Variants in APBA2 observed in about 807,000 individuals in gnomAD.
APBA2 encodes amyloid beta precursor protein binding family A member 2.
Under a neutral mutation model 75.0 loss-of-function variants are expected in APBA2, and 30 were observed. The ratio of observed to expected loss-of-function variants is 0.40; its 90% CI spans 0.30 to 0.54. APBA2 has a LOEUF of 0.54. APBA2 is among the 20% of genes least tolerant of loss of function. The pLI is 0.49. For synonymous variants in APBA2, 444 were observed against 409.6 expected (o/e 1.08, Z -1.01); for missense variants, 801 against 1,016.1 (o/e 0.79, Z 2.88).
Position 29,116,953 on chromosome 15 carries a change from G to A in APBA2, c.2179-109G>A, listed in dbSNP as rs1309129217. ...GCCTTCCTCCTTCACTCTAGGAGAT[G>A]GGCATTTGAAGCAGAACTCTGGGGG... is the stretch of plus-strand genomic sequence containing the variant. On this transcript the variant is annotated intron_variant, in intron 14 of 14. Coordinates refer to ENST00000683413, the MANE Select transcript of APBA2 (RefSeq NM_001353788.2). 4 of 1,177,796 alleles carry A rather than the reference G, an allele frequency of 3.4e-6. No homozygotes were observed. The Admixed American group carries it at 5.0e-5, about 15-fold the overall frequency. The allele number at this position is 1,177,796 out of a possible 1,614,324, so 73.0% of individuals were successfully genotyped here.
intron 2 of APBA2, among the ~76,000 whole-genome samples, chr15:28,949,695 C>T (rs1400516850): frequency 1.3e-5 from 2 of 152,146 alleles, no homozygotes; most frequent in Non-Finnish European, 2.9e-5. Flanking sequence ...TCTCGAACTC[C>T]TGGGCTCAAG....
At chr15:28,896,356 T>G (rs1014746858) in intron 1 of APBA2, among the ~76,000 whole-genome samples, 1 of 152,190 alleles carries the variant, frequency 6.6e-6, no homozygotes, top group Non-Finnish European at 1.5e-5. Flanking sequence ...CTCAGCTCAC[T>G]GCAAGCTCCG....
chr15:29,058,278 A>G (rs1208112621), intron 4 of APBA2, among the ~76,000 whole-genome samples: 1 of 152,170 alleles, frequency 6.6e-6, no homozygotes, highest in African/African-American at 2.4e-5. Context: ...TGGGAGGCCA[A>G]GGTGGGCAAA....
intron 7 of APBA2, 31 bp downstream of exon 7, chr15:29,093,251 G>GCCCGCACACTTTGGGGGGCA: frequency 6.2e-7 from 1 of 1,612,954 alleles, no homozygotes; most frequent in African/African-American, 1.3e-5. Flanking sequence ...CCTCGCGGAT[G>GCCCGCACACTTTGGGGGGCA]CCCGCACACT....
rs1567041895 is a variant in APBA2, at chr15:29,117,614, G to T, written c.*481G>T. 5.8e-6 allele frequency: 1 copy of T among 171,770 alleles called. No individual in the cohort carries two copies. Among genetic ancestry groups the T allele is most frequent in the Non-Finnish European group, 1.3e-5 (1 of 79,706 alleles). 10.6% of individuals were successfully genotyped at this position (171,770 alleles called of 1,614,324 possible). On this transcript the variant is annotated 3_prime_UTR_variant, in exon 15 of 15. Transcript: ENST00000683413. ...AGCTGCCTCTGCCACTGACTGCAGG[G>T]ACACGGGCAGCCTGGCTCCCAGGAC... is the stretch of plus-strand genomic sequence containing the variant.
At chr15:29,111,722 C>T (rs1416293036) in intron 13 of APBA2, among the ~76,000 whole-genome samples, 1 of 152,082 alleles carries the variant, frequency 6.6e-6, no homozygotes, top group African/African-American at 2.4e-5. Context: ...CACCTAGACA[C>T]AGAGGCTGTC....
chr15:29,040,181 ACT>A (rs2040963121), intron 3 of APBA2, among the ~76,000 whole-genome samples: 1 of 152,022 alleles, frequency 6.6e-6, no homozygotes, highest in Admixed American at 6.5e-5. Context: ...AGAAAATCCA[ACT>A]CTCTGGTTGG....
intron 4 of APBA2, among the ~76,000 whole-genome samples, chr15:29,058,833 G>A (rs2042013711): frequency 6.6e-6 from 1 of 152,204 alleles, no homozygotes; most frequent in Non-Finnish European, 1.5e-5. Flanking sequence ...GGAAAATACA[G>A]GCAAAAAAAT....
intron 2 of APBA2, chr15:28,977,067 T>C (rs960927191): frequency 6.6e-6 from 1 of 152,266 alleles, no homozygotes; most frequent in Non-Finnish European, 1.5e-5. Flanking sequence ...ACCATTTTTC[T>C]TCTTTCTTGT....
rs151114720 is a variant in APBA2, at chr15:28,886,601, G to A, written c.-205+323G>A. ...GGGCCACCCGGCGCGGACAAGAGGCGCTGTGTGGCGGGGCTGTCCGCTCGA... is the reference window on the plus strand; with the variant it reads ...GGGCCACCCGGCGCGGACAAGAGGCACTGTGTGGCGGGGCTGTCCGCTCGA... On this transcript the variant is annotated intron_variant, in intron 1 of 14. Coordinates refer to ENST00000683413, the MANE Select transcript of APBA2 (RefSeq NM_001353788.2). 5.5e-3 allele frequency among the ~76,000 whole-genome samples: 832 copies of A among 152,116 alleles called. 5 individuals are homozygous for A. The highest frequency in any genetic ancestry group is 0.019 in the African/African-American group (798 of 41,526).
chr15:29,094,257 T>G (rs2043733091), intron 7 of APBA2, 21 bp from the exon 8 acceptor site: 2 of 1,614,174 alleles, frequency 1.2e-6, no homozygotes, highest in South Asian at 1.1e-5. Flanking sequence ...CTTGTTTTTC[T>G]TTTCTCTTCC....
intron 3 of APBA2, among the ~76,000 whole-genome samples, chr15:29,017,712 A>G (rs917723310): frequency 1.3e-5 from 2 of 152,018 alleles, no homozygotes; most frequent in African/African-American, 2.4e-5. Context: ...GGATAGTTCA[A>G]CGACTTTAAA....
intron 3 of APBA2, among the ~76,000 whole-genome samples, chr15:28,997,626 C>T (rs550299060): frequency 2.4e-4 from 37 of 152,294 alleles, no homozygotes; most frequent in Admixed American, 1.3e-3. Flanking sequence ...CATCCACCCT[C>T]TAGGGACTGT....
At chr15:28,994,736 G>T (rs4995091) in intron 2 of APBA2, among the ~76,000 whole-genome samples, 2 of 152,064 alleles carry the variant, frequency 1.3e-5, no homozygotes, top group African/African-American at 4.8e-5. Context: ...AAGTGAAGAC[G>T]CTGAGTAGAC....
At chr15:28,978,323 C>T (rs933586958) in intron 2 of APBA2, among the ~76,000 whole-genome samples, 1 of 152,218 alleles carries the variant, frequency 6.6e-6, no homozygotes, top group Non-Finnish European at 1.5e-5. Flanking sequence ...GCAGCGTTTG[C>T]CTTCATTGTC....
chr15:29,000,440 G>A (rs1566892071), intron 3 of APBA2, among the ~76,000 whole-genome samples: 1 of 152,176 alleles, frequency 6.6e-6, no homozygotes, highest in Non-Finnish European at 1.5e-5. Flanking sequence ...ACCCCTGGAT[G>A]TAGGCACACG....
At chr15:29,035,726 C>T (rs2040714319) in intron 3 of APBA2, among the ~76,000 whole-genome samples, 2 of 152,170 alleles carry the variant, frequency 1.3e-5, no homozygotes, top group Admixed American at 1.3e-4. Context: ...GGACCAGCAG[C>T]CTCAGCATCC....
intron 2 of APBA2, among the ~76,000 whole-genome samples, chr15:28,936,569 G>A (rs529737695): frequency 4.6e-5 from 7 of 152,288 alleles, no homozygotes; most frequent in African/African-American, 1.2e-4. Flanking sequence ...GTGCCTGCGC[G>A]TTAGGCACGT....
At chr15:29,025,490 ATT>A in intron 3 of APBA2, among the ~76,000 whole-genome samples, 1 of 74,326 alleles carries the variant, frequency 1.3e-5, no homozygotes, top group East Asian at 1.6e-3. Flanking sequence ...GATGGTCTCG[ATT>A]CGATCTCTTG....
Sources: gnomAD v4.1 joint callset for allele counts (sites outside exome capture counted in the v4.1 genomes callset) on GRCh38, gnomAD v4.1.1 for gene constraint, MANE v1.5 for transcripts, NCBI Gene and HGNC (gene_info 2026-07-23, HGNC 2026-07-21) for gene names.